MSI2: variants seen among roughly 807,000 people sequenced by gnomAD.
MSI2 encodes the protein musashi RNA binding protein 2.
A neutral mutation model predicts 45.6 loss-of-function variants in MSI2; 17 were observed. That is an observed-to-expected ratio of 0.37 (90% CI 0.26 to 0.56). MSI2 has a LOEUF of 0.56. Ranked by LOEUF, MSI2 falls within the 20% of genes least tolerant of loss-of-function variation. The pLI is 0.77. For missense variants in MSI2, 293 were observed against 444.2 expected, an observed-to-expected ratio of 0.66 and a Z score of 3.06; for synonymous variants, 156 against 158.2, an observed-to-expected ratio of 0.99 and a Z score of 0.11.
intron 6 of MSI2, among the ~76,000 whole-genome samples, chr17:57,415,156 T>C (rs1296484728): frequency 2.6e-5 from 4 of 152,096 alleles, no homozygotes. Flanking sequence ...ATGGGGGTAC[T>C]TGGATGGGCA....
At chr17:57,539,978 AC>A (rs1463917149) in intron 7 of MSI2, among the ~76,000 whole-genome samples, 2 of 152,190 alleles carry the variant, frequency 1.3e-5, no homozygotes, top group African/African-American at 4.8e-5. Context: ...TCAAGGCAAC[AC>A]CCGGTTAATG....
At chr17:57,378,114 A>G (rs971082720) in intron 5 of MSI2, among the ~76,000 whole-genome samples, 1 of 150,884 alleles carries the variant, frequency 6.6e-6, no homozygotes, top group African/African-American at 2.4e-5. Flanking sequence ...GGCATTATGG[A>G]CATTCTTTTT....
At chr17:57,459,777 T>C (rs2085187857) in intron 6 of MSI2, among the ~76,000 whole-genome samples, 1 of 152,096 alleles carries the variant, frequency 6.6e-6, no homozygotes. Flanking sequence ...GAGGATTGTT[T>C]GAGCCCAGGA....
At chr17:57,424,287 A>G (rs918144119) in intron 6 of MSI2, among the ~76,000 whole-genome samples, 3 of 152,240 alleles carry the variant, frequency 2.0e-5, no homozygotes, top group African/African-American at 7.2e-5. Flanking sequence ...TGGGATGAGG[A>G]GGGAAAAATC....
At chr17:57,560,317 C>T (rs1160200079) in intron 7 of MSI2, among the ~76,000 whole-genome samples, 5 of 152,022 alleles carry the variant, frequency 3.3e-5, no homozygotes, top group African/African-American at 1.2e-4. Context: ...GGCGCTAAGC[C>T]CCTCCACTGA....
At position 57,589,273 on chromosome 17, in the gene MSI2, A is replaced by G. The variant is rs1361690485; in HGVS notation, c.455-7595A>G. On this transcript the variant is annotated intron_variant, in intron 7 of 13. Coordinates refer to ENST00000284073, the MANE Select transcript of MSI2 (RefSeq NM_138962.4). ...TTGTGCAGTGATTTCCCAACATGGC[A>G]GCCAGTAATCAGAAACATGCTGCTG... 1.3e-5 allele frequency among the ~76,000 whole-genome samples: 2 copies of G among 152,246 alleles called. 1 individual carries two copies. Among genetic ancestry groups the G allele is most frequent in the Non-Finnish European group, 2.9e-5 (2 of 68,046 alleles).
chr17:57,523,750 A>C (rs1277399319), intron 6 of MSI2, among the ~76,000 whole-genome samples: 1 of 152,132 alleles, frequency 6.6e-6, no homozygotes, highest in African/African-American at 2.4e-5. Context: ...TGGAATGTGG[A>C]ACCTGATAGT....
intron 5 of MSI2, among the ~76,000 whole-genome samples, chr17:57,322,783 C>T (rs1913456984): frequency 6.6e-6 from 1 of 152,176 alleles, no homozygotes; most frequent in African/African-American, 2.4e-5. Flanking sequence ...TGGTCACCGA[C>T]CTGTTCTTCC....
At position 57,574,742 on chromosome 17, in the gene MSI2, G is replaced by C. The variant is rs115716779; in HGVS notation, c.455-22126G>C. 3.9e-3 allele frequency among the ~76,000 whole-genome samples: 587 copies of C among 152,220 alleles called. 4 individuals carry two copies. The highest frequency in any genetic ancestry group is 0.014 in the African/African-American group (561 of 41,546). ...TCTATCTTCTACCAACTACTGTGGA[G>C]CTTCGGTTTCATCAGTCTTAAGAGA... is the stretch of plus-strand genomic sequence containing the variant. On this transcript the variant is annotated intron_variant, in intron 7 of 13. Coordinates refer to ENST00000284073, the MANE Select transcript of MSI2 (RefSeq NM_138962.4).
At chr17:57,260,316 AC>A (rs1907192239) in intron 4 of MSI2, among the ~76,000 whole-genome samples, 1 of 152,316 alleles carries the variant, frequency 6.6e-6, no homozygotes, top group Non-Finnish European at 1.5e-5. Flanking sequence ...ATGCTCTGAT[AC>A]GGCCACACAC....
At chr17:57,597,700 G>A (rs925379916) in intron 8 of MSI2, among the ~76,000 whole-genome samples, 6 of 152,176 alleles carry the variant, frequency 3.9e-5, no homozygotes, top group African/African-American at 7.2e-5. Flanking sequence ...GCAGAAGGGC[G>A]GGATTTGACC....
chr17:57,432,157 C>T (rs1271225348), intron 6 of MSI2, among the ~76,000 whole-genome samples: 1 of 152,144 alleles, frequency 6.6e-6, no homozygotes, highest in Non-Finnish European at 1.5e-5. Flanking sequence ...AATTACCAGG[C>T]ACTTAATGTG....
chr17:57,385,786 G>C (rs908167844), intron 5 of MSI2, among the ~76,000 whole-genome samples: 1 of 152,206 alleles, frequency 6.6e-6, no homozygotes, highest in Admixed American at 6.5e-5. Flanking sequence ...TGACTTCTGT[G>C]TTATAGTTGT....
At chr17:57,389,999 A>T (rs1415781666) in intron 5 of MSI2, among the ~76,000 whole-genome samples, 2 of 151,964 alleles carry the variant, frequency 1.3e-5, no homozygotes, top group Non-Finnish European at 1.5e-5. Context: ...GCCCTTTGGG[A>T]AGCTGAGGCA....
intron 5 of MSI2, among the ~76,000 whole-genome samples, chr17:57,330,910 C>CT (rs375960048): frequency 0.15 from 21,539 of 143,714 alleles, 3,535 homozygotes; most frequent in African/African-American, 0.42. Flanking sequence ...AGGTTTTATT[C>CT]TTTTTTTTTG....
chr17:57,309,636 G>A (rs1223158721), intron 5 of MSI2, among the ~76,000 whole-genome samples: 2 of 152,236 alleles, frequency 1.3e-5, no homozygotes, highest in Non-Finnish European at 2.9e-5. Flanking sequence ...TTTAGTCTTT[G>A]TGACTTGATC....
At chr17:57,557,243 G>T (rs1449601998) in intron 7 of MSI2, among the ~76,000 whole-genome samples, 1 of 152,192 alleles carries the variant, frequency 6.6e-6, no homozygotes, top group Non-Finnish European at 1.5e-5. Context: ...GCAACCAGAT[G>T]GGAGGTGGGC....
chr17:57,686,697 A>C (rs1296030190), downstream of MSI2, among the ~76,000 whole-genome samples: 1 of 152,242 alleles, frequency 6.6e-6, no homozygotes, highest in East Asian at 1.9e-4. Context: ...TCTATTAAGA[A>C]GATACAGTGG....
At chr17:57,560,127 G>C (rs539338972) in intron 7 of MSI2, among the ~76,000 whole-genome samples, 6 of 152,362 alleles carry the variant, frequency 3.9e-5, no homozygotes, top group African/African-American at 1.4e-4. Flanking sequence ...TAAAATTGCT[G>C]TTTGGTATCT....
Sources: gnomAD v4.1 joint callset for allele counts (sites outside exome capture counted in the v4.1 genomes callset) on GRCh38, gnomAD v4.1.1 for gene constraint, MANE v1.5 for transcripts, NCBI Gene and HGNC (gene_info 2026-07-23, HGNC 2026-07-21) for gene names.